The following SORCS3 variants were observed in gnomAD, a reference collection of about 807,000 sequenced individuals.
The protein encoded by SORCS3 is VPS10 domain-containing receptor SorCS3.
Under a neutral mutation model 146.3 loss-of-function variants are expected in SORCS3, and 57 were observed. The ratio of observed to expected loss-of-function variants is 0.39; its 90% CI spans 0.31 to 0.49. SORCS3 has a LOEUF of 0.49. SORCS3 is among the 20% of genes least tolerant of loss of function. SORCS3 has a pLI of 0.92. For missense variants in SORCS3, 1,341 were observed against 1,575.5 expected (o/e 0.85, Z 2.52); for synonymous variants, 653 against 618.5 (o/e 1.06, Z -0.83).
intron 1 of SORCS3, among the ~76,000 whole-genome samples, chr10:104,707,643 A>G (rs965190533): frequency 6.6e-6 from 1 of 152,210 alleles, no homozygotes; most frequent in African/African-American, 2.4e-5. Context: ...ATAAATGAAT[A>G]TCAACGATGA....
chr10:104,656,732 A>G (rs762445282), intron 1 of SORCS3, among the ~76,000 whole-genome samples: 1 of 152,158 alleles, frequency 6.6e-6, no homozygotes, highest in African/African-American at 2.4e-5. Flanking sequence ...TAGGAGAGTG[A>G]TAAAATGATA....
intron 1 of SORCS3, among the ~76,000 whole-genome samples, chr10:104,823,399 T>A (rs1256205254): frequency 6.6e-6 from 1 of 152,158 alleles, no homozygotes; most frequent in African/African-American, 2.4e-5. Flanking sequence ...TGAGACACCT[T>A]TTTTTTCCTA....
chr10:105,216,100 T>G (rs1423908454), intron 18 of SORCS3, among the ~76,000 whole-genome samples: 1 of 152,128 alleles, frequency 6.6e-6, no homozygotes, highest in African/African-American at 2.4e-5. Context: ...TACCAGGTAG[T>G]ACACAGAGAG....
intron 1 of SORCS3, among the ~76,000 whole-genome samples, chr10:104,797,380 C>T (rs534751107): frequency 2.0e-5 from 3 of 152,220 alleles, no homozygotes; most frequent in Admixed American, 2.0e-4. Context: ...GGATGCCCAC[C>T]AAATAAATAA....
chr10:105,075,457 C>G (rs2055582861), intron 5 of SORCS3, among the ~76,000 whole-genome samples: 1 of 152,194 alleles, frequency 6.6e-6, no homozygotes, highest in Admixed American at 6.5e-5. Flanking sequence ...CATGCCCTCC[C>G]TGTTCCATCC....
intron 1 of SORCS3, among the ~76,000 whole-genome samples, chr10:104,762,282 G>A (rs1728163171): frequency 6.6e-6 from 1 of 152,196 alleles, no homozygotes; most frequent in African/African-American, 2.4e-5. Context: ...CTAGGTGGAG[G>A]GGGAGAGTCC....
intron 5 of SORCS3, among the ~76,000 whole-genome samples, chr10:105,053,515 A>T (rs533380790): frequency 1.3e-5 from 2 of 152,154 alleles, no homozygotes; most frequent in Admixed American, 1.3e-4. Flanking sequence ...GAAAATAATT[A>T]CCTATAATTT....
At chr10:105,131,378 CGAT>C (rs2056017112) in intron 7 of SORCS3, among the ~76,000 whole-genome samples, 1 of 152,100 alleles carries the variant, frequency 6.6e-6, no homozygotes, top group Non-Finnish European at 1.5e-5. Context: ...ACATAATATT[CGAT>C]ACAGCACAAT....
chr10:104,697,273 G>T (rs2016227668), intron 1 of SORCS3, among the ~76,000 whole-genome samples: 2 of 152,180 alleles, frequency 1.3e-5, no homozygotes, highest in Non-Finnish European at 2.9e-5. Flanking sequence ...TTAAACATAT[G>T]ACCGTGACTT....
intron 17 of SORCS3, among the ~76,000 whole-genome samples, chr10:105,211,883 T>A (rs1042685750): frequency 6.6e-6 from 1 of 152,204 alleles, no homozygotes; most frequent in African/African-American, 2.4e-5. Flanking sequence ...ACCTCTCAAA[T>A]GTTAATGTGC....
At chr10:104,707,177 G>A (rs1287050197) in intron 1 of SORCS3, among the ~76,000 whole-genome samples, 1 of 152,128 alleles carries the variant, frequency 6.6e-6, no homozygotes, top group Non-Finnish European at 1.5e-5. Context: ...TCAAATAGTT[G>A]TGGGTACAAA....
chr10:105,075,032 C>G (rs1215116247), intron 5 of SORCS3, among the ~76,000 whole-genome samples: 1 of 152,168 alleles, frequency 6.6e-6, no homozygotes. Flanking sequence ...TCTTTCTTCT[C>G]CAGAACTTCC....
chr10:105,168,340 C>T (rs181695500), intron 13 of SORCS3, among the ~76,000 whole-genome samples: 128 of 152,132 alleles, frequency 8.4e-4, no homozygotes, highest in African/African-American at 3.0e-3. Flanking sequence ...ATGATGATGA[C>T]GACGATGACA....
rs533333897 is a variant in SORCS3, at chr10:104,869,997, A to G, written c.695+27138A>G. On this transcript the variant is annotated intron_variant, in intron 2 of 26. Coordinates refer to ENST00000369701, the MANE Select transcript of SORCS3 (RefSeq NM_014978.3). The stretch of plus-strand genomic sequence containing the variant: ...CACGTAGAGTCGCTCTGAGGAGTAA[A>G]TGAATGAGTAGATATATGGAAAGTT... 3.3e-5 allele frequency among the ~76,000 whole-genome samples: 5 copies of G among 152,342 alleles called. No individual in the cohort carries two copies. The East Asian group carries it at 7.7e-4, about 24-fold the overall frequency.
At chr10:104,736,903 G>A (rs1268627079) in intron 1 of SORCS3, among the ~76,000 whole-genome samples, 1 of 151,878 alleles carries the variant, frequency 6.6e-6, no homozygotes, top group Non-Finnish European at 1.5e-5. Context: ...TTAGCATTAG[G>A]TTTATCTCCT....
intron 4 of SORCS3, among the ~76,000 whole-genome samples, chr10:105,041,457 A>G (rs1023940430): frequency 2.0e-5 from 3 of 148,818 alleles, no homozygotes; most frequent in Non-Finnish European, 4.5e-5. Context: ...ATATATATAC[A>G]TATAACTATA....
chr10:105,140,283 A>G (rs1200745292), intron 8 of SORCS3, among the ~76,000 whole-genome samples: 8 of 152,174 alleles, frequency 5.3e-5, no homozygotes, highest in Non-Finnish European at 1.2e-4. Flanking sequence ...GAGAAAGTGG[A>G]TAATTTCCTA....
intron 4 of SORCS3, among the ~76,000 whole-genome samples, chr10:104,983,377 G>A (rs973023129): frequency 2.0e-5 from 3 of 152,080 alleles, no homozygotes; most frequent in Non-Finnish European, 2.9e-5. Flanking sequence ...GTCCATTTTA[G>A]TAACCTGATA....
intron 1 of SORCS3, among the ~76,000 whole-genome samples, chr10:104,754,521 G>T (rs79486069): frequency 6.6e-6 from 1 of 152,126 alleles, no homozygotes; most frequent in Non-Finnish European, 1.5e-5. Flanking sequence ...AATAGGGGGG[G>T]AAAAACTTTA....
Sources: gnomAD v4.1 joint callset for allele counts (sites outside exome capture counted in the v4.1 genomes callset) on GRCh38, gnomAD v4.1.1 for gene constraint, MANE v1.5 for transcripts, NCBI Gene and HGNC (gene_info 2026-07-23, HGNC 2026-07-21) for gene names.